The following SYNDIG1 variants were observed in gnomAD, a reference collection of about 807,000 sequenced individuals.
SYNDIG1 encodes synapse differentiation-inducing gene protein 1.
A neutral mutation model predicts 19.4 loss-of-function variants in SYNDIG1; 9 were observed. The observed-to-expected ratio is 0.46, with a 90% CI of 0.28 to 0.81. SYNDIG1 has a LOEUF of 0.81. Among genes scored for constraint, SYNDIG1 ranks in the 30% least tolerant of loss-of-function variants. The pLI, the probability that SYNDIG1 is intolerant of heterozygous loss-of-function variation, is 0.12. For missense variants in SYNDIG1, 311 were observed against 343.3 expected (o/e 0.91, Z 0.74); for synonymous variants, 141 against 145.9 (o/e 0.97, Z 0.24).
chr20:24,648,157 TG>T (rs1038555976), intron 3 of SYNDIG1, among the ~76,000 whole-genome samples: 2 of 152,082 alleles, frequency 1.3e-5, no homozygotes, highest in Non-Finnish European at 2.9e-5. Context: ...TATATGAAGT[TG>T]GGGGGTGGGG....
At chr20:24,552,811 T>C (rs1474114448) in intron 2 of SYNDIG1, among the ~76,000 whole-genome samples, 2 of 152,226 alleles carry the variant, frequency 1.3e-5, no homozygotes, top group African/African-American at 4.8e-5. Context: ...TTATAATCCT[T>C]TGGGTATATA....
intron 1 of SYNDIG1, among the ~76,000 whole-genome samples, chr20:24,505,610 T>C (rs1313095611): frequency 6.6e-6 from 1 of 152,238 alleles, no homozygotes; most frequent in Non-Finnish European, 1.5e-5. Context: ...CAATCTTAGG[T>C]GGCTTCCGCC....
chr20:24,580,763 T>C (rs2058309345), intron 2 of SYNDIG1, among the ~76,000 whole-genome samples: 1 of 152,156 alleles, frequency 6.6e-6, no homozygotes, highest in East Asian at 1.9e-4. Context: ...TGATGTCATC[T>C]AGCCTCAGCT....
intron 3 of SYNDIG1, among the ~76,000 whole-genome samples, chr20:24,645,477 A>C (rs2059414603): frequency 6.6e-6 from 1 of 152,216 alleles, no homozygotes; most frequent in African/African-American, 2.4e-5. Flanking sequence ...GCTCTCACTG[A>C]AACAGCTCAG....
rs148792265 is a variant in SYNDIG1, at chr20:24,520,015, A to C, written c.-78-23005A>C. Among the ~76,000 whole-genome samples, 17 of 152,136 alleles carry C rather than the reference A, an allele frequency of 1.1e-4. 1 individual carries two copies. Among genetic ancestry groups the C allele is most frequent in the African/African-American group, 3.9e-4 (16 of 41,490 alleles). ...TTCTATTTAATAGTGCATTTCTCCA[A>C]TTCTAGGATGTACATTCCTTTCTTT... is the stretch of plus-strand genomic sequence containing the variant. On this transcript the variant is annotated intron_variant, in intron 1 of 3. Transcript: ENST00000376862.
chr20:24,563,779 TG>T, intron 2 of SYNDIG1, among the ~76,000 whole-genome samples: 1 of 152,188 alleles, frequency 6.6e-6, no homozygotes, highest in Non-Finnish European at 1.5e-5. Flanking sequence ...TTTTTGTATT[TG>T]TTTTTTTGTA....
intron 1 of SYNDIG1, among the ~76,000 whole-genome samples, chr20:24,471,178 TCTC>T (rs2055440400): frequency 6.6e-6 from 1 of 151,898 alleles, no homozygotes; most frequent in Non-Finnish European, 1.5e-5. Flanking sequence ...CCGGCCAACT[TCTC>T]CGTGCTAGGC....
At chr20:24,646,363 TA>T (rs1249394199) in intron 3 of SYNDIG1, among the ~76,000 whole-genome samples, 1 of 152,102 alleles carries the variant, frequency 6.6e-6, no homozygotes, top group Non-Finnish European at 1.5e-5. Context: ...AGTGTGGCAA[TA>T]TTGGGAGATG....
intron 3 of SYNDIG1, among the ~76,000 whole-genome samples, chr20:24,639,961 C>T (rs1189511047): frequency 1.3e-5 from 2 of 152,110 alleles, no homozygotes; most frequent in Non-Finnish European, 2.9e-5. Flanking sequence ...TAGATTGCCC[C>T]CCAAATTTTC....
intron 2 of SYNDIG1, among the ~76,000 whole-genome samples, chr20:24,557,713 G>T (rs957643022): frequency 1.3e-5 from 2 of 152,146 alleles, no homozygotes; most frequent in Admixed American, 6.5e-5. Context: ...CAGTCTGCCC[G>T]TACTGGGGGG....
intron 1 of SYNDIG1, among the ~76,000 whole-genome samples, chr20:24,542,419 A>G (rs2057486662): frequency 6.6e-6 from 1 of 152,166 alleles, no homozygotes. Context: ...TGCATTTCCA[A>G]CAAGCTCCCA....
At position 24,508,218 on chromosome 20, in the gene SYNDIG1, A is replaced by ATTTTTTTTTTTTTT. The variant is rs34436263; in HGVS notation, c.-78-34787_-78-34774dup. Among the ~76,000 whole-genome samples the ATTTTTTTTTTTTTT allele has an allele frequency of 1.1e-4, 8 of 73,210 alleles. 1 individual carries two copies. The highest frequency in any genetic ancestry group is 2.5e-4 in the Admixed American group (1 of 3,952). The allele number at this position is 73,210 out of a possible 152,430, so 48.0% of individuals were successfully genotyped here. On this transcript the variant is annotated intron_variant, in intron 1 of 3. Coordinates refer to ENST00000376862, the MANE Select transcript of SYNDIG1 (RefSeq NM_024893.3). ...TGGAAAATTAAAATTAAGGAGGATA[A>ATTTTTTTTTTTTTT]TTTTTTTTTTTTTTTTTTTTTTTTT...
At chr20:24,516,022 A>G (rs2056854832) in intron 1 of SYNDIG1, among the ~76,000 whole-genome samples, 1 of 152,212 alleles carries the variant, frequency 6.6e-6, no homozygotes, top group Non-Finnish European at 1.5e-5. Context: ...CAGAGCCCTC[A>G]GAAATAATAC....
In SYNDIG1 at chr20:24,665,950, C is replaced by T. The variant is rs905285621; in HGVS notation, c.*446C>T. The stretch of plus-strand genomic sequence containing the variant: ...TGGCCCTGCTGGAGTCCTTTGTGCC[C>T]CCCGGAGTCCACACGCCTTCCCTGC... On this transcript the variant is annotated 3_prime_UTR_variant, in exon 4 of 4. Coordinates refer to ENST00000376862, the MANE Select transcript of SYNDIG1 (RefSeq NM_024893.3). The T allele has an allele frequency of 4.7e-5, 8 of 169,322 alleles. No homozygotes were observed. The highest frequency in any genetic ancestry group is 1.9e-4 in the East Asian group (1 of 5,294). 10.5% of individuals were successfully genotyped at this position (169,322 alleles called of 1,614,324 possible). A position where few individuals can be genotyped will look rare whatever the true frequency, so the allele number is the denominator to read the frequency against.
intron 2 of SYNDIG1, among the ~76,000 whole-genome samples, chr20:24,565,658 C>A (rs796347172): frequency 6.6e-6 from 1 of 152,160 alleles, no homozygotes; most frequent in Admixed American, 6.5e-5. Context: ...TTGCTTTAGC[C>A]GTTTAAAAAT....
At chr20:24,624,578 T>A (rs1017949128) in intron 3 of SYNDIG1, among the ~76,000 whole-genome samples, 37 of 152,156 alleles carry the variant, frequency 2.4e-4, no homozygotes, top group African/African-American at 8.2e-4. Context: ...AAGAAGAAGA[T>A]ACAATGGTAG....
At chr20:24,561,946 C>T (rs1464437193) in intron 2 of SYNDIG1, among the ~76,000 whole-genome samples, 1 of 152,132 alleles carries the variant, frequency 6.6e-6, no homozygotes. Flanking sequence ...TGGAGCAGTC[C>T]CTAAATAGAG....
At chr20:24,550,316 T>C (rs893879724) in intron 2 of SYNDIG1, among the ~76,000 whole-genome samples, 5 of 151,228 alleles carry the variant, frequency 3.3e-5, no homozygotes, top group African/African-American at 7.3e-5. Flanking sequence ...CTCTCTAATA[T>C]ACTGATTTCG....
intron 2 of SYNDIG1, among the ~76,000 whole-genome samples, chr20:24,564,140 C>T (rs141724805): frequency 6.6e-6 from 1 of 152,090 alleles, no homozygotes; most frequent in African/African-American, 2.4e-5. Context: ...CTTATCATAT[C>T]ATAATATTAT....
Sources: gnomAD v4.1 joint callset for allele counts (sites outside exome capture counted in the v4.1 genomes callset) on GRCh38, gnomAD v4.1.1 for gene constraint, MANE v1.5 for transcripts, NCBI Gene and HGNC (gene_info 2026-07-23, HGNC 2026-07-21) for gene names.